Variants in PSME4 observed in about 807,000 individuals in gnomAD.
PSME4 encodes the protein proteasome activator subunit 4.
Under a neutral mutation model 253.9 loss-of-function variants are expected in PSME4, and 89 were observed. The ratio of observed to expected loss-of-function variants is 0.35; its 90% CI spans 0.30 to 0.42. PSME4 has a LOEUF of 0.42. Among genes scored for constraint, PSME4 ranks in the 10% least tolerant of loss-of-function variants. The probability of loss-of-function intolerance (pLI) is 1.00; values close to 1 mark genes in which losing one functional copy is unlikely to be tolerated. For synonymous variants in PSME4, 851 were observed against 759.2 expected, an observed-to-expected ratio of 1.12 and a Z score of -1.99; for missense variants, 2,014 against 2,195.2, an observed-to-expected ratio of 0.92 and a Z score of 1.65.
intron 8 of PSME4, 90 bp downstream of exon 8, chr2:53,934,515 A>G (rs1669013062): frequency 7.5e-7 from 1 of 1,328,906 alleles, no homozygotes; most frequent in African/African-American, 1.5e-5. Context: ...CCAAGCCACT[A>G]TTATCAACTT....
Position 53,923,380 on chromosome 2 carries a change from T to C in PSME4, c.1849A>G (p.Ile617Val), listed in dbSNP as rs765183245. 3.0e-5 allele frequency: 48 copies of C among 1,610,578 alleles called. No individual in the cohort carries two copies. Among genetic ancestry groups the C allele is most frequent in the Admixed American group, 6.8e-5 (4 of 59,186 alleles). The change falls in exon 15 of 47, where the codon ATA becomes GTA. Residue 617 changes from isoleucine (I) to valine (V), a missense_variant. Coordinates refer to ENST00000404125, the MANE Select transcript of PSME4 (RefSeq NM_014614.3). ...QKVFNFSTSHIFETRVAGRMV... is the reference protein window; with the variant it reads ...QKVFNFSTSHVFETRVAGRMV... ...CGACCTGCTACTCTTGTTTCAAATA[T>C]ATGTGAAGTAGAAAAATTAAAAACC...
intron 36 of PSME4, among the ~76,000 whole-genome samples, chr2:53,890,886 G>A (rs749900552): frequency 1.3e-5 from 2 of 152,132 alleles, no homozygotes; most frequent in African/African-American, 2.4e-5. Flanking sequence ...GATTAGCTGA[G>A]CGTAGTGGCA....
At chr2:53,884,344 G>T (rs1325133819) in intron 41 of PSME4, among the ~76,000 whole-genome samples, 4 of 152,122 alleles carry the variant, frequency 2.6e-5, no homozygotes, top group Admixed American at 1.3e-4. Flanking sequence ...CCGAGTAGCT[G>T]GGACTACAGG....
chr2:53,933,235 G>A (rs1283407391), intron 8 of PSME4: 8 of 156,748 alleles, frequency 5.1e-5, no homozygotes, highest in Non-Finnish European at 9.9e-5. Context: ...AAAATTAGCT[G>A]GGCATGGTGG....
In PSME4 at chr2:53,906,642, T is replaced by C. The variant is rs768114762; in HGVS notation, c.2899A>G (p.Met967Val). Residue 967 changes from methionine (M) to valine (V), a missense_variant, in exon 26 of 47, where the codon ATG (methionine) becomes GTG (valine). Physicochemically the swap from Met to Val is conservative, Grantham distance 21. Coordinates refer to ENST00000404125, the MANE Select transcript of PSME4 (RefSeq NM_014614.3). ...GCEYKKIHQDMIRDLLRLSTS... is the reference protein window; with the variant it reads ...GCEYKKIHQDVIRDLLRLSTS... ...GATAAACGAAGAAGATCTCTGATCA[T>C]ATCTTGATGTATCTTTTTGTATTCA... is the stretch of plus-strand genomic sequence containing the variant. 1.2e-6 allele frequency: 2 copies of C among 1,603,472 alleles called. No homozygotes were observed. The highest frequency in any genetic ancestry group is 1.7e-5 in the Admixed American group (1 of 57,620).
chr2:53,898,239 A>C, intron 30 of PSME4, 62 bp downstream of exon 30: 1 of 1,448,716 alleles, frequency 6.9e-7, no homozygotes, highest in Non-Finnish European at 9.5e-7. Flanking sequence ...CCTTCCATGT[A>C]GAAAACTCCT....
chr2:53,928,236 C>G lies in PSME4; in HGVS notation c.1384G>C (p.Gly462Arg). ...CCTGATACCAAACTGCGGGCTACTC[C>G]AATTACACAACTTAAAGTAGCTGTG... ...QLTATLSCVI[G>R]VARSLVSGGR... Residue 462 changes from glycine (G) to arginine (R), a missense_variant, in exon 11 of 47, where the codon GGA (glycine) becomes CGA (arginine). Gly to Arg is a moderately radical substitution (Grantham distance 125). This residue lies in a region of PSME4 where 615 missense variants were observed against 594.4 expected (regional missense o/e 1.03). Transcript: ENST00000404125. 1 of 1,614,072 alleles carries G rather than the reference C, an allele frequency of 6.2e-7. No homozygotes were observed. Among genetic ancestry groups the G allele is most frequent in the Non-Finnish European group, 8.5e-7 (1 of 1,179,960 alleles).
In PSME4 at chr2:53,921,045, G is replaced by C; in HGVS notation, c.2106C>G (p.Leu702=). The change falls in exon 18 of 47, where the codon CTC becomes CTG. Residue 702 remains leucine (L), a synonymous_variant. Transcript: ENST00000404125. Reference sequence around the variant, plus strand: ...TACAGGTTAAATGTAGGGTTCTTTGGAGAATCTTTACAAGCTGCTCCCTAT... The same window carrying C: ...TACAGGTTAAATGTAGGGTTCTTTGCAGAATCTTTACAAGCTGCTCCCTAT... The part of the protein sequence containing the change: ...LLYREQLVKI[L]QRTLHLTCKQ... The C allele has an allele frequency of 6.2e-7, 1 of 1,614,054 alleles. No individual in the cohort carries two copies. Among genetic ancestry groups the C allele is most frequent in the Non-Finnish European group, 8.5e-7 (1 of 1,179,998 alleles).
intron 29 of PSME4, 88 bp downstream of exon 29, chr2:53,899,792 TG>T: frequency 6.8e-7 from 1 of 1,468,724 alleles, no homozygotes; most frequent in Non-Finnish European, 9.3e-7. Context: ...TACTCCAGCC[TG>T]GGCAACAGAG....
intron 7 of PSME4, among the ~76,000 whole-genome samples, chr2:53,935,017 G>C (rs2104462904): frequency 6.6e-6 from 1 of 152,170 alleles, no homozygotes; most frequent in Admixed American, 6.5e-5. Context: ...AATATAAAAA[G>C]ACAAAAACAT....
At chr2:53,929,609 T>TA (rs1290937474) in intron 10 of PSME4, among the ~76,000 whole-genome samples, 1 of 151,774 alleles carries the variant, frequency 6.6e-6, no homozygotes, top group Non-Finnish European at 1.5e-5. Context: ...TTTTTTTTTT[T>TA]AATGGAGAAA....
rs182556072 is a variant in PSME4 at position 53,962,929 on chromosome 2, G to C, written c.242+7614C>G. ...GGAGGCTGAAACAGGAAAATCACTTGAACCCAGGAAGTGGAGGCTGCAGTG... is the reference window on the plus strand; with the variant it reads ...GGAGGCTGAAACAGGAAAATCACTTCAACCCAGGAAGTGGAGGCTGCAGTG... On this transcript the variant is annotated intron_variant, in intron 1 of 46. Coordinates refer to ENST00000404125, the MANE Select transcript of PSME4 (RefSeq NM_014614.3). Among the ~76,000 whole-genome samples, 4 of 151,318 alleles carry C rather than the reference G, an allele frequency of 2.6e-5. No individual in the cohort carries two copies. The East Asian group carries it at 7.8e-4, about 30-fold the overall frequency.
intron 17 of PSME4, among the ~76,000 whole-genome samples, chr2:53,921,665 G>C (rs1394350953): frequency 2.1e-5 from 3 of 141,114 alleles, no homozygotes; most frequent in African/African-American, 7.7e-5. Flanking sequence ...TCAGGAGATC[G>C]AGACCATCCC....
intron 1 of PSME4, among the ~76,000 whole-genome samples, chr2:53,950,822 C>T (rs1452869680): frequency 3.8e-5 from 4 of 105,488 alleles, no homozygotes; most frequent in Non-Finnish European, 5.7e-5. Flanking sequence ...GCCTGGGCAA[C>T]AAGAGAGAAA....
At chr2:53,946,362 C>T (rs1669699466) in intron 3 of PSME4, among the ~76,000 whole-genome samples, 1 of 152,202 alleles carries the variant, frequency 6.6e-6, no homozygotes, top group Middle Eastern at 3.2e-3. Flanking sequence ...AGAAGGATAA[C>T]TGATCTGAAC....
intron 1 of PSME4, among the ~76,000 whole-genome samples, chr2:53,962,242 G>A (rs1670525777): frequency 6.6e-6 from 1 of 152,082 alleles, no homozygotes; most frequent in Admixed American, 6.6e-5. Flanking sequence ...TAATTAGATG[G>A]GGAGGAAAGT....
Position 53,864,433 on chromosome 2 carries a change from GA to G in PSME4, c.*1144del, listed in dbSNP as rs11349247. 0.32 allele frequency: 44,076 copies of G among 137,984 alleles called. 6,669 individuals are homozygous for G. Among genetic ancestry groups the G allele is most frequent in the South Asian group, 0.48 (2,155 of 4,486 alleles). The allele number at this position is 137,984 out of a possible 1,614,324, so 8.5% of individuals were successfully genotyped here. The stretch of plus-strand genomic sequence containing the variant: ...CAGACATTCTAATGATAAGTGAACT[GA>G]AAAAAAAAAAACCCCACATCTCAGT... On this transcript the variant is annotated 3_prime_UTR_variant, in exon 47 of 47. Coordinates refer to ENST00000404125, the MANE Select transcript of PSME4 (RefSeq NM_014614.3).
At chr2:53,931,423 G>A (rs915650509) in intron 10 of PSME4, among the ~76,000 whole-genome samples, 4 of 152,084 alleles carry the variant, frequency 2.6e-5, no homozygotes, top group Admixed American at 2.0e-4. Flanking sequence ...CAACACACCT[G>A]AATATATAAT....
At chr2:53,889,442 C>G (rs1175607155) in intron 37 of PSME4, among the ~76,000 whole-genome samples, 1 of 151,986 alleles carries the variant, frequency 6.6e-6, no homozygotes, top group Non-Finnish European at 1.5e-5. Context: ...AAAAAAAAAT[C>G]TGAACAGGTT....
Sources: gnomAD v4.1 joint callset for allele counts (sites outside exome capture counted in the v4.1 genomes callset) on GRCh38, gnomAD v4.1.1 for gene constraint, gnomAD v4.1.1 regional missense constraint, MANE v1.5 for transcripts, NCBI Gene and HGNC (gene_info 2026-07-23, HGNC 2026-07-21) for gene names.